RAB27B: variants seen among roughly 807,000 people sequenced by gnomAD.
RAB27B encodes RAB27B, member RAS oncogene family.
In RAB27B, 15 loss-of-function variants were observed where a neutral mutation model predicts 24.6. The observed-to-expected ratio is 0.61, with a 90% CI of 0.41 to 0.94. RAB27B has a LOEUF of 0.94. Among genes scored for constraint, RAB27B ranks in the 40% least tolerant of loss-of-function variants. The pLI is 0.00. For synonymous variants in RAB27B, 105 were observed against 92.5 expected, an observed-to-expected ratio of 1.14 and a Z score of -0.78; for missense variants, 261 against 266.8, an observed-to-expected ratio of 0.98 and a Z score of 0.15.
At chr18:54,873,612 A>T (rs1912564664) in intron 1 of RAB27B, among the ~76,000 whole-genome samples, 1 of 151,332 alleles carries the variant, frequency 6.6e-6, no homozygotes, top group Non-Finnish European at 1.5e-5. Context: ...AACCAACAAT[A>T]GAATATTGAG....
chr18:54,845,238 G>A (rs1484583633), intron 1 of RAB27B, among the ~76,000 whole-genome samples: 1 of 151,606 alleles, frequency 6.6e-6, no homozygotes, highest in African/African-American at 2.4e-5. Context: ...GAAACCCCGT[G>A]TCTACTAAAA....
chr18:54,753,577 G>A (rs978268992), intron 2 of RAB27B, among the ~76,000 whole-genome samples: 18 of 152,146 alleles, frequency 1.2e-4, no homozygotes, highest in South Asian at 4.2e-4. Context: ...GCCAGTCCTC[G>A]TGTAAATCAA....
intron 1 of RAB27B, among the ~76,000 whole-genome samples, chr18:54,866,105 AC>A (rs201297815): frequency 0.036 from 5,452 of 152,058 alleles, 328 homozygotes; most frequent in African/African-American, 0.12. Context: ...CAAAAAAAAA[AC>A]AGAATCACTA....
chr18:54,785,977 G>A (rs1405364475), intron 2 of RAB27B, among the ~76,000 whole-genome samples: 2 of 152,180 alleles, frequency 1.3e-5, no homozygotes, highest in Non-Finnish European at 2.9e-5. Flanking sequence ...AACTATGTTA[G>A]TCTGACTGAT....
At chr18:54,757,138 G>A (rs1447541218) in intron 2 of RAB27B, among the ~76,000 whole-genome samples, 2 of 152,170 alleles carry the variant, frequency 1.3e-5, no homozygotes, top group Non-Finnish European at 2.9e-5. Flanking sequence ...TCTCAATTAG[G>A]AGACAGACCC....
At chr18:54,731,298 A>C (rs1909723683) in intron 2 of RAB27B, among the ~76,000 whole-genome samples, 1 of 152,224 alleles carries the variant, frequency 6.6e-6, no homozygotes, top group Non-Finnish European at 1.5e-5. Context: ...CAACAAAAAA[A>C]TGGGCAAATC....
chr18:54,861,314 G>A (rs1486419996), intron 1 of RAB27B, among the ~76,000 whole-genome samples: 4 of 152,150 alleles, frequency 2.6e-5, no homozygotes, highest in Non-Finnish European at 5.9e-5. Flanking sequence ...TCTTTATGGA[G>A]ACATTGTTTA....
chr18:54,731,373 T>C (rs1349452516), intron 2 of RAB27B, among the ~76,000 whole-genome samples: 1 of 152,208 alleles, frequency 6.6e-6, no homozygotes, highest in African/African-American at 2.4e-5. Context: ...CATAATGATA[T>C]AGGAAGTTTG....
At chr18:54,837,224 T>C (rs920621991) in intron 1 of RAB27B, among the ~76,000 whole-genome samples, 3 of 152,056 alleles carry the variant, frequency 2.0e-5, no homozygotes, top group African/African-American at 7.2e-5. Flanking sequence ...AGGTTAAAAC[T>C]GTAGAGAGAT....
chr18:54,851,346 G>A (rs1161693930), intron 1 of RAB27B, among the ~76,000 whole-genome samples: 2 of 152,152 alleles, frequency 1.3e-5, no homozygotes, highest in African/African-American at 4.8e-5. Flanking sequence ...GCACCAAAGT[G>A]TACAGTAGAA....
intron 1 of RAB27B, among the ~76,000 whole-genome samples, chr18:54,852,554 C>A (rs371304003): frequency 4.4e-4 from 67 of 152,292 alleles, no homozygotes; most frequent in African/African-American, 1.5e-3. Flanking sequence ...AGAAACCAAA[C>A]AGGTCAAATT....
chr18:54,760,798 G>A (rs370561132), intron 2 of RAB27B, among the ~76,000 whole-genome samples: 11 of 152,260 alleles, frequency 7.2e-5, no homozygotes, highest in African/African-American at 2.6e-4. Context: ...GCCATGTTTG[G>A]TGGGACATGG....
chr18:54,876,852 G>A (rs987988551), intron 1 of RAB27B, among the ~76,000 whole-genome samples: 1 of 152,016 alleles, frequency 6.6e-6, no homozygotes, highest in African/African-American at 2.4e-5. Context: ...TGGGTTTTCT[G>A]TTCCCTGTGA....
intron 5 of RAB27B, 108 bp downstream of exon 5, chr18:54,888,226 A>G: frequency 7.8e-7 from 1 of 1,286,430 alleles, no homozygotes; most frequent in Non-Finnish European, 1.1e-6. Flanking sequence ...CAAGAACAGC[A>G]TGTGGATTAA....
At chr18:54,840,858 TAGCC>T (rs1045379502) in intron 1 of RAB27B, among the ~76,000 whole-genome samples, 11 of 151,994 alleles carry the variant, frequency 7.2e-5, no homozygotes, top group Non-Finnish European at 1.3e-4. Flanking sequence ...AAAGTACAGA[TAGCC>T]AGCTGGGCAC....
chr18:54,886,106 A>G (rs1202778866), intron 4 of RAB27B, among the ~76,000 whole-genome samples: 1 of 152,064 alleles, frequency 6.6e-6, no homozygotes, highest in Non-Finnish European at 1.5e-5. Context: ...GATCCAAACC[A>G]TATCACTTCT....
intron 2 of RAB27B, among the ~76,000 whole-genome samples, chr18:54,804,306 A>G (rs12968035): frequency 0.22 from 34,005 of 152,124 alleles, 4,022 homozygotes; most frequent in East Asian, 0.42. Flanking sequence ...GAATTCCCAC[A>G]TGTTGGTCAG....
At chr18:54,723,038 G>T (rs374966855) in intron 2 of RAB27B, among the ~76,000 whole-genome samples, 2 of 152,340 alleles carry the variant, frequency 1.3e-5, no homozygotes, top group African/African-American at 4.8e-5. Context: ...TCTGTGATGG[G>T]TTTGGACTTG....
chr18:54,880,550 G>A (rs1008057905), intron 3 of RAB27B: 2 of 152,076 alleles, frequency 1.3e-5, no homozygotes, highest in African/African-American at 4.8e-5. Flanking sequence ...GAGAGGTGCT[G>A]GGCCCTCTCT....
Sources: gnomAD v4.1 joint callset for allele counts (sites outside exome capture counted in the v4.1 genomes callset) on GRCh38, gnomAD v4.1.1 for gene constraint, MANE v1.5 for transcripts, NCBI Gene and HGNC (gene_info 2026-07-23, HGNC 2026-07-21) for gene names.